Variants in LAMA1 observed in about 807,000 individuals in gnomAD.
The protein encoded by LAMA1 is laminin subunit alpha 1.
A neutral mutation model predicts 348.7 loss-of-function variants in LAMA1; 219 were observed. The observed-to-expected ratio is 0.63, with a 90% CI of 0.56 to 0.70. The LOEUF (loss-of-function observed/expected upper bound fraction) is 0.70, where lower values mean the gene tolerates loss of function less well. Among genes scored for constraint, LAMA1 ranks in the 30% least tolerant of loss-of-function variants. LAMA1 has a pLI of 0.00. For synonymous variants in LAMA1, 1,487 were observed against 1,491.0 expected (o/e 1.00, Z 0.06); for missense variants, 3,744 against 3,888.0 (o/e 0.96, Z 0.99).
At chr18:6,999,811 A>C (rs2057799598) in intron 31 of LAMA1, 100 bp downstream of exon 31, 1 of 1,283,554 alleles carries the variant, frequency 7.8e-7, no homozygotes, top group Non-Finnish European at 1.1e-6. Flanking sequence ...CCAAACTGAT[A>C]ATTGATAATG....
chr18:7,038,936 C>A lies in LAMA1; in HGVS notation c.1437G>T (p.Gly479=). 1 of 1,613,574 alleles carries A rather than the reference C, an allele frequency of 6.2e-7. No individual in the cohort carries two copies. Among genetic ancestry groups the A allele is most frequent in the South Asian group, 1.1e-5 (1 of 91,056 alleles). Residue 479 remains glycine, a synonymous_variant, in exon 11 of 63, where the codon GGG becomes GGT. Transcript: ENST00000389658. The part of the protein sequence containing the change: ...GPCVCKENVE[G]KACDRCKPGF... ...CTGGCTTGCAGCGATCACAGGCCTT[C>A]CCCTCAACGTTTTCCTGTAAGTTAG...
intron 28 of LAMA1, among the ~76,000 whole-genome samples, chr18:7,008,217 G>A (rs1294108933): frequency 2.0e-5 from 3 of 152,114 alleles, no homozygotes; most frequent in Admixed American, 6.5e-5. Context: ...CAGAGTTTGC[G>A]TTTCGGATGA....
chr18:7,112,367 C>T (rs547322773), intron 1 of LAMA1, among the ~76,000 whole-genome samples: 11 of 152,208 alleles, frequency 7.2e-5, no homozygotes, highest in African/African-American at 2.6e-4. Context: ...TCCATGCATC[C>T]ATGTTTTGGC....
chr18:7,068,301 G>A (rs1247053208), intron 3 of LAMA1, among the ~76,000 whole-genome samples: 1 of 152,202 alleles, frequency 6.6e-6, no homozygotes, highest in Non-Finnish European at 1.5e-5. Flanking sequence ...CTTTAAAGAT[G>A]CAATGAAAGC....
chr18:6,996,246 A>G (rs1316783715), intron 33 of LAMA1, among the ~76,000 whole-genome samples: 1 of 152,172 alleles, frequency 6.6e-6, no homozygotes, highest in Non-Finnish European at 1.5e-5. Flanking sequence ...CTACCATTAT[A>G]GAGAAAAGAC....
intron 3 of LAMA1, among the ~76,000 whole-genome samples, chr18:7,059,985 C>T (rs1381730114): frequency 6.6e-6 from 1 of 152,190 alleles, no homozygotes; most frequent in Non-Finnish European, 1.5e-5. Flanking sequence ...ACACTTACTA[C>T]TCATGAATAA....
intron 3 of LAMA1, among the ~76,000 whole-genome samples, chr18:7,056,863 T>G (rs959115840): frequency 4.0e-5 from 6 of 150,822 alleles, no homozygotes; most frequent in Non-Finnish European, 8.8e-5. Context: ...TTAGGATTGT[T>G]AACGCTTTGA....
intron 3 of LAMA1, among the ~76,000 whole-genome samples, chr18:7,053,271 A>G (rs934835133): frequency 9.2e-5 from 14 of 152,208 alleles, no homozygotes; most frequent in African/African-American, 3.4e-4. Flanking sequence ...GGAACTTGTC[A>G]TTACACATTT....
chr18:7,002,418 A>G, intron 29 of LAMA1, 33 bp from the exon 30 acceptor site: 1 of 1,611,062 alleles, frequency 6.2e-7, no homozygotes, highest in East Asian at 2.2e-5. Context: ...AGGGGGAAAA[A>G]ATGGGAAATT....
Position 7,063,742 on chromosome 18 carries a change from T to C in LAMA1, c.346-12806A>G, listed in dbSNP as rs963870926. Reference sequence around the variant, plus strand: ...AGGACATTATGTACGCTAAGTGAAATAAGCCAGACAAAAGGACAAATAGAA... The same window carrying C: ...AGGACATTATGTACGCTAAGTGAAACAAGCCAGACAAAAGGACAAATAGAA... On this transcript the variant is annotated intron_variant, in intron 3 of 62. Coordinates refer to ENST00000389658, the MANE Select transcript of LAMA1 (RefSeq NM_005559.4). Among the ~76,000 whole-genome samples, 7 of 152,282 alleles carry C rather than the reference T, an allele frequency of 4.6e-5. No individual in the cohort carries two copies. In the East Asian group the frequency reaches 1.2e-3, roughly 25 times the overall value.
intron 3 of LAMA1, among the ~76,000 whole-genome samples, chr18:7,077,327 G>A (rs9950670): frequency 0.052 from 7,828 of 150,254 alleles, 455 homozygotes; most frequent in East Asian, 0.22. Context: ...TCAGCCTCCC[G>A]AGTAGCTGGG....
At chr18:7,105,389 A>T (rs1304269266) in intron 1 of LAMA1, among the ~76,000 whole-genome samples, 3 of 152,092 alleles carry the variant, frequency 2.0e-5, no homozygotes, top group Admixed American at 6.6e-5. Flanking sequence ...CAGTGAGCTG[A>T]GATCGCACCT....
chr18:7,091,697 C>T (rs2058240406), intron 1 of LAMA1, among the ~76,000 whole-genome samples: 1 of 152,210 alleles, frequency 6.6e-6, no homozygotes, highest in Non-Finnish European at 1.5e-5. Context: ...TCGTTTAGTG[C>T]TATGCTGAAA....
chr18:7,021,862 T>A (rs1397864204), intron 19 of LAMA1, among the ~76,000 whole-genome samples: 5 of 144,556 alleles, frequency 3.5e-5, no homozygotes, highest in African/African-American at 1.3e-4. Context: ...TTATATATAT[T>A]ATATATTAGA....
intron 55 of LAMA1, among the ~76,000 whole-genome samples, chr18:6,957,785 C>CTTTTTTTTTTT (rs58835769): frequency 4.6e-5 from 7 of 150,864 alleles, no homozygotes; most frequent in African/African-American, 1.7e-4. Context: ...GCTTCCAGTT[C>CTTTTTTTTTTT]TTTTTTTTTC....
chr18:7,099,027 G>T (rs1372013467), intron 1 of LAMA1, among the ~76,000 whole-genome samples: 1 of 151,936 alleles, frequency 6.6e-6, no homozygotes, highest in African/African-American at 2.4e-5. Context: ...GAATAGAAAG[G>T]GGGGAAAGGC....
rs533573725 is a variant in LAMA1 at position 6,999,712 on chromosome 18, C to T, written c.4470-74G>A. Reference sequence around the variant, plus strand: ...TTCTAACTTGCGACAGTAATCATTTCCGCCAAATGAAATGCAAAGCACAGA... The same window carrying T: ...TTCTAACTTGCGACAGTAATCATTTTCGCCAAATGAAATGCAAAGCACAGA... On this transcript the variant is annotated intron_variant, in intron 31 of 62. Transcript: ENST00000389658. 22 of 1,337,394 alleles carry T rather than the reference C, an allele frequency of 1.6e-5. No homozygotes were observed. The East Asian group carries it at 5.4e-4, about 33-fold the overall frequency. The allele number at this position is 1,337,394 out of a possible 1,614,324, so 82.8% of individuals were successfully genotyped here. A position where few individuals can be genotyped will look rare whatever the true frequency, so the allele number is the denominator to read the frequency against.
At position 6,958,648 on chromosome 18, in the gene LAMA1, T is replaced by C; in HGVS notation, c.7793A>G (p.Gln2598Arg). 6.2e-7 allele frequency: 1 copy of C among 1,613,866 alleles called. No individual in the cohort carries two copies. ...TTCCACAGGATTGTTCTCATCCAAT[T>C]GGACAGTGATAATTCTAAAAGACCA... The part of the protein sequence containing the change: ...LVRNRRIITV[Q>R]LDENNPVEMK... The change falls in exon 55 of 63, where the codon CAA (glutamine) becomes CGA (arginine). Residue 2598 changes from glutamine to arginine, a missense_variant. Around this residue, in one of 3 missense-constraint regions of LAMA1, gnomAD observed 1,983 missense variants for 1,934.3 expected, o/e 1.03. Transcript: ENST00000389658.
chr18:7,066,168 T>A (rs2058122162), intron 3 of LAMA1, among the ~76,000 whole-genome samples: 1 of 152,200 alleles, frequency 6.6e-6, no homozygotes, highest in South Asian at 2.1e-4. Context: ...ACATTGAATG[T>A]TTTCCATGAT....
Sources: allele counts gnomAD v4.1 joint callset (sites outside exome capture counted in the v4.1 genomes callset), GRCh38; gene constraint gnomAD v4.1.1; regional missense constraint gnomAD v4.1.1; transcripts MANE v1.5; gene names NCBI Gene and HGNC (gene_info 2026-07-23, HGNC 2026-07-21).